Variants in MAGI2 observed in about 807,000 individuals in gnomAD.
The protein encoded by MAGI2 is membrane associated guanylate kinase, WW and PDZ domain containing 2.
In MAGI2, 35 loss-of-function variants were observed where a neutral mutation model predicts 133.3. That is an observed-to-expected ratio of 0.26 (90% confidence interval 0.20 to 0.35). The LOEUF is 0.35. Ranked by LOEUF, MAGI2 falls within the 10% of genes least tolerant of loss-of-function variation. The probability of loss-of-function intolerance (pLI) is 1.00; values close to 1 mark genes in which losing one functional copy is unlikely to be tolerated. For missense variants in MAGI2, 1,636 were observed against 1,863.4 expected (o/e 0.88, Z 2.25); for synonymous variants, 729 against 710.6 (o/e 1.03, Z -0.41).
At chr7:78,647,348 A>G (rs956480087) in intron 2 of MAGI2, among the ~76,000 whole-genome samples, 1 of 152,256 alleles carries the variant, frequency 6.6e-6, no homozygotes, top group Admixed American at 6.5e-5. Context: ...GTGAACAGAC[A>G]CTTCTCAAAA....
intron 2 of MAGI2, among the ~76,000 whole-genome samples, chr7:78,857,621 T>C (rs982726257): frequency 1.3e-5 from 2 of 152,240 alleles, no homozygotes; most frequent in Admixed American, 6.5e-5. Context: ...TCATGGTGGA[T>C]AAGCTTTTTG....
chr7:78,497,727 T>TCTAA (rs1214953726), intron 5 of MAGI2, among the ~76,000 whole-genome samples: 1 of 113,454 alleles, frequency 8.8e-6, no homozygotes, highest in Non-Finnish European at 2.0e-5. Flanking sequence ...AACTATTCTA[T>TCTAA]CTATCTATCT....
intron 1 of MAGI2, among the ~76,000 whole-genome samples, chr7:79,084,787 A>G (rs963100933): frequency 1.3e-5 from 2 of 151,812 alleles, no homozygotes; most frequent in Non-Finnish European, 3.0e-5. Flanking sequence ...TGTTTATCTG[A>G]AATATCTTAA....
At chr7:78,718,795 G>GA (rs1403608236) in intron 2 of MAGI2, among the ~76,000 whole-genome samples, 12 of 152,172 alleles carry the variant, frequency 7.9e-5, no homozygotes, top group African/African-American at 2.9e-4. Context: ...CCTGTCCGTG[G>GA]AAAAATTGTC....
intron 6 of MAGI2, among the ~76,000 whole-genome samples, chr7:78,398,419 G>T (rs1796557073): frequency 6.6e-6 from 1 of 151,890 alleles, no homozygotes; most frequent in Non-Finnish European, 1.5e-5. Context: ...GTCTCTTATT[G>T]GACATATATG....
At chr7:78,468,934 C>T (rs1467041392) in intron 6 of MAGI2, among the ~76,000 whole-genome samples, 1 of 152,148 alleles carries the variant, frequency 6.6e-6, no homozygotes, top group Admixed American at 6.6e-5. Flanking sequence ...AGAGGAATTT[C>T]AGGTACCATG....
chr7:78,030,625 A>T (rs1337398037), intron 21 of MAGI2, among the ~76,000 whole-genome samples: 1 of 152,238 alleles, frequency 6.6e-6, no homozygotes, highest in African/African-American at 2.4e-5. Context: ...ATAAAAGAGC[A>T]TCTTTTATGT....
intron 1 of MAGI2, among the ~76,000 whole-genome samples, chr7:79,036,161 G>C (rs377584916): frequency 6.6e-6 from 1 of 152,160 alleles, no homozygotes; most frequent in Admixed American, 6.5e-5. Flanking sequence ...AAGCCCACAT[G>C]TATAATCCCT....
intron 1 of MAGI2, among the ~76,000 whole-genome samples, chr7:79,259,541 A>G (rs186994284): frequency 1.1e-3 from 163 of 152,248 alleles, no homozygotes; most frequent in African/African-American, 3.7e-3. Context: ...AAAACTTTAG[A>G]CCCCCACTTC....
chr7:79,245,542 C>T (rs1262805398), intron 1 of MAGI2, among the ~76,000 whole-genome samples: 3 of 152,206 alleles, frequency 2.0e-5, no homozygotes, highest in Non-Finnish European at 2.9e-5. Context: ...GGAGACCCCT[C>T]TGCATGTGGA....
At chr7:78,439,967 G>A (rs1011832845) in intron 6 of MAGI2, among the ~76,000 whole-genome samples, 2 of 150,868 alleles carry the variant, frequency 1.3e-5, no homozygotes, top group African/African-American at 4.9e-5. Context: ...TGGCTATATT[G>A]GACTAAATAA....
chr7:78,160,289 C>A lies in MAGI2; in HGVS notation c.2597-16G>T. On this transcript the variant is annotated splice_polypyrimidine_tract_variant and intron_variant, in intron 15 of 21. Transcript: ENST00000354212. ...CAGGGCTCCCCTGCAAAATATACCACACACAGGTAATCAATTACCTTACAA... is the reference window on the plus strand; with the variant it reads ...CAGGGCTCCCCTGCAAAATATACCAAACACAGGTAATCAATTACCTTACAA... The A allele has an allele frequency of 6.4e-7, 1 of 1,559,758 alleles. No individual in the cohort carries two copies. Among genetic ancestry groups the A allele is most frequent in the Non-Finnish European group, 8.7e-7 (1 of 1,150,960 alleles).
intron 2 of MAGI2, among the ~76,000 whole-genome samples, chr7:78,993,222 A>G (rs962103139): frequency 1.3e-5 from 2 of 152,080 alleles, no homozygotes; most frequent in African/African-American, 4.8e-5. Flanking sequence ...TGTATGTATA[A>G]TTAGGAGCCA....
At chr7:79,277,973 C>G (rs1471911138) in intron 1 of MAGI2, among the ~76,000 whole-genome samples, 1 of 152,112 alleles carries the variant, frequency 6.6e-6, no homozygotes, top group African/African-American at 2.4e-5. Context: ...ACCAACCTCC[C>G]CCTAACATCC....
At chr7:78,342,907 A>G (rs149063223) in intron 9 of MAGI2, among the ~76,000 whole-genome samples, 8,607 of 152,254 alleles carry the variant, frequency 0.057, 428 homozygotes, top group African/African-American at 0.12. Flanking sequence ...GTGTATACCT[A>G]TGTAACAAAC....
chr7:78,650,168 A>G (rs1811393041), intron 2 of MAGI2, among the ~76,000 whole-genome samples: 1 of 152,184 alleles, frequency 6.6e-6, no homozygotes, highest in African/African-American at 2.4e-5. Context: ...AATTTGGTCA[A>G]CAACCGCAAG....
intron 1 of MAGI2, chr7:79,415,381 T>C (rs1010004498): frequency 4.6e-5 from 7 of 152,146 alleles, no homozygotes; most frequent in Admixed American, 1.3e-4. Context: ...CCGGTCTATA[T>C]TGGGAATGGC....
chr7:78,202,583 T>TG (rs1399952856), intron 10 of MAGI2, among the ~76,000 whole-genome samples: 1 of 144,410 alleles, frequency 6.9e-6, no homozygotes, highest in East Asian at 2.1e-4. Context: ...CTTGGGAGGC[T>TG]GAGGCAGGAG....
intron 6 of MAGI2, among the ~76,000 whole-genome samples, chr7:78,433,244 G>T (rs775575073): frequency 5.7e-4 from 86 of 152,170 alleles, no homozygotes; most frequent in Middle Eastern, 6.8e-3. Context: ...TACCTAAGTA[G>T]TTTTAATGGA....
Sources: allele counts gnomAD v4.1 joint callset (sites outside exome capture counted in the v4.1 genomes callset), GRCh38; gene constraint gnomAD v4.1.1; transcripts MANE v1.5; gene names NCBI Gene and HGNC (gene_info 2026-07-23, HGNC 2026-07-21).